The following DMC1 variants were observed in gnomAD, a reference collection of about 807,000 sequenced individuals.
DMC1 encodes the protein DNA meiotic recombinase 1.
A neutral mutation model predicts 50.1 loss-of-function variants in DMC1; 27 were observed. The ratio of observed to expected loss-of-function variants is 0.54; its 90% CI spans 0.40 to 0.74. DMC1 has a LOEUF of 0.74. Among genes scored for constraint, DMC1 ranks in the 30% least tolerant of loss-of-function variants. The pLI is 0.00. For missense variants in DMC1, 295 were observed against 420.2 expected, an observed-to-expected ratio of 0.70 and a Z score of 2.60; for synonymous variants, 148 against 136.1, an observed-to-expected ratio of 1.09 and a Z score of -0.61.
the DMC1 span, among the ~76,000 whole-genome samples, chr22:38,513,507 A>G: frequency 3.9e-5 from 6 of 152,160 alleles, no homozygotes; most frequent in South Asian, 2.1e-4. Flanking sequence ...CTAAGGCCCA[A>G]TCCTTCTCCT....
At chr22:38,548,401 T>C (rs1321658294) in intron 8 of DMC1, among the ~76,000 whole-genome samples, 2 of 152,020 alleles carry the variant, frequency 1.3e-5, no homozygotes, top group East Asian at 3.9e-4. Flanking sequence ...TGGTGAAACC[T>C]GGTCTCTACA....
In DMC1 at chr22:38,568,224, T is replaced by C. The variant is rs1171553008; in HGVS notation, c.33A>G (p.Pro11=). The C allele has an allele frequency of 6.2e-7, 1 of 1,614,190 alleles. No homozygotes were observed. Among genetic ancestry groups the C allele is most frequent in the Admixed American group, 1.7e-5 (1 of 60,034 alleles). MKEDQVVAEE[P]GFQDEEESLF... ...GTCATACCTCTTCATCTTGGAATCC[T>C]GGTTCTTCCGCCACAACTTGATCCT... Residue 11 remains proline (P), a synonymous_variant, in exon 2 of 14, where the codon CCA becomes CCG. Transcript: ENST00000216024.
chr22:38,538,365 G>A lies in DMC1; in HGVS notation c.705C>T (p.Gly235=), dbSNP rs1479482596. 2.5e-6 allele frequency: 4 copies of A among 1,613,968 alleles called. No individual in the cohort carries two copies. The African/African-American group carries it at 4.0e-5, about 16-fold the overall frequency. Residue 235 remains glycine, a synonymous_variant, in exon 11 of 14, where the codon GGC becomes GGT. Transcript: ENST00000216024. ...IMALFRVDFS[G]RGELAERQQK... ...GCTGCCGTTCGGCCAACTCCCCACG[G>A]CCACTGAAATCCACTCGAAAAAGTG...
At chr22:38,543,464 C>T (rs573974760) in intron 8 of DMC1, among the ~76,000 whole-genome samples, 229 of 152,140 alleles carry the variant, frequency 1.5e-3, no homozygotes, top group Non-Finnish European at 2.8e-3. Flanking sequence ...CTCCTGACCT[C>T]GTGATCCACC....
intron 12 of DMC1, among the ~76,000 whole-genome samples, chr22:38,525,897 G>C (rs927798071): frequency 2.6e-5 from 4 of 151,792 alleles, no homozygotes; most frequent in African/African-American, 9.7e-5. Context: ...TGTTCATTGT[G>C]CCACTACACT....
chr22:38,554,245 G>T (rs913251150), intron 6 of DMC1, among the ~76,000 whole-genome samples: 1 of 152,064 alleles, frequency 6.6e-6, no homozygotes, highest in Non-Finnish European at 1.5e-5. Flanking sequence ...TCTTAAACTG[G>T]TGCCATCCCC....
At chr22:38,512,502 G>A in the DMC1 span, among the ~76,000 whole-genome samples, 24 of 152,264 alleles carry the variant, frequency 1.6e-4, no homozygotes, top group East Asian at 4.0e-3. Flanking sequence ...TATTTTGTTT[G>A]GGACACTTAT....
At chr22:38,518,947 A>C (rs2089995262), downstream of DMC1, 1 of 152,604 alleles carries the variant, frequency 6.6e-6, no homozygotes. Context: ...TTCACCATAC[A>C]TGCATTTTGA....
intron 5 of DMC1, 86 bp from the exon 6 acceptor site, chr22:38,555,495 C>T: frequency 1.2e-6 from 1 of 864,450 alleles, no homozygotes. Flanking sequence ...TAGTATCCTT[C>T]CTATCTATGT....
intron 12 of DMC1, among the ~76,000 whole-genome samples, chr22:38,525,331 T>C (rs923600723): frequency 6.6e-6 from 1 of 152,132 alleles, no homozygotes; most frequent in Admixed American, 6.6e-5. Context: ...TGAAGAGTGT[T>C]CTGACAGAGG....
chr22:38,552,613 T>A (rs1269312762), intron 7 of DMC1, 53 bp downstream of exon 7: 1 of 1,223,910 alleles, frequency 8.2e-7, no homozygotes, highest in African/African-American at 1.5e-5. Context: ...ATAGTAGATG[T>A]TTGATAAGTA....
intron 8 of DMC1, chr22:38,549,670 A>G (rs2090382459): frequency 2.4e-6 from 1 of 416,094 alleles, no homozygotes; most frequent in African/African-American, 2.0e-5. Context: ...TCTTTAGAGA[A>G]GTAAGAGGAT....
intron 4 of DMC1, among the ~76,000 whole-genome samples, chr22:38,563,339 T>C (rs1277065394): frequency 6.6e-6 from 1 of 152,182 alleles, no homozygotes. Flanking sequence ...ATACTATGAC[T>C]GTGGTTCTTA....
At chr22:38,514,888 T>G (rs1360630123), downstream of DMC1, among the ~76,000 whole-genome samples, 8 of 151,956 alleles carry the variant, frequency 5.3e-5, no homozygotes, top group South Asian at 1.7e-3. Context: ...ACCGTAAGTA[T>G]ACTCAGTCAA....
intron 4 of DMC1, 31 bp from the exon 5 acceptor site, chr22:38,562,400 A>T: frequency 6.9e-7 from 1 of 1,440,322 alleles, no homozygotes; most frequent in Non-Finnish European, 9.8e-7. Context: ...ATGTTCAAAA[A>T]GAGTTTAAAG....
intron 5 of DMC1, among the ~76,000 whole-genome samples, chr22:38,557,538 T>G (rs576866014): frequency 6.6e-6 from 1 of 152,216 alleles, no homozygotes; most frequent in African/African-American, 2.4e-5. Flanking sequence ...AAACCCAGTC[T>G]CTACAGAAAA....
chr22:38,525,977 A>C (rs2090083432), intron 12 of DMC1, among the ~76,000 whole-genome samples: 1 of 151,940 alleles, frequency 6.6e-6, no homozygotes, highest in Non-Finnish European at 1.5e-5. Flanking sequence ...ATAAAATAAA[A>C]GAAAAAAAAA....
chr22:38,563,780 A>G (rs1328387313), intron 4 of DMC1, among the ~76,000 whole-genome samples: 1 of 151,746 alleles, frequency 6.6e-6, no homozygotes, highest in Non-Finnish European at 1.5e-5. Flanking sequence ...GCTCACTGCA[A>G]GCTCCACCTC....
At chr22:38,563,468 A>G (rs925120061) in intron 4 of DMC1, among the ~76,000 whole-genome samples, 3 of 152,078 alleles carry the variant, frequency 2.0e-5, no homozygotes, top group Non-Finnish European at 2.9e-5. Context: ...GATACACATC[A>G]GTGTTTAGAA....
Sources: gnomAD v4.1 joint callset for allele counts (sites outside exome capture counted in the v4.1 genomes callset) on GRCh38, gnomAD v4.1.1 for gene constraint, MANE v1.5 for transcripts, NCBI Gene and HGNC (gene_info 2026-07-23, HGNC 2026-07-21) for gene names.